The following CCR6 variants were observed in gnomAD, a reference collection of about 807,000 sequenced individuals.
CCR6 encodes the protein C-C motif chemokine receptor 6.
A neutral mutation model predicts 3.0 loss-of-function variants in CCR6; 2 were observed. The ratio of observed to expected loss-of-function variants is 0.66; its 90% CI spans 0.27 to 2.07. The LOEUF is 2.07. CCR6 is among the 30% of genes most tolerant of loss of function. CCR6 has a pLI of 0.14. For missense variants in CCR6, 322 were observed against 462.8 expected (o/e 0.70, Z 2.79); for synonymous variants, 193 against 184.3 (o/e 1.05, Z -0.38).
intron 1 of CCR6, among the ~76,000 whole-genome samples, chr6:167,117,429 T>C (rs1240074370): frequency 6.9e-6 from 1 of 145,098 alleles, no homozygotes. Context: ...TTTTTTTTTT[T>C]TTTTTGAGAC....
intron 1 of CCR6, among the ~76,000 whole-genome samples, chr6:167,123,924 C>T (rs1425927872): frequency 6.6e-6 from 1 of 152,130 alleles, no homozygotes; most frequent in Non-Finnish European, 1.5e-5. Flanking sequence ...CCAGCCTGGC[C>T]AACATGGTAA....
intron 1 of CCR6, among the ~76,000 whole-genome samples, chr6:167,134,574 T>G (rs552708871): frequency 2.8e-4 from 43 of 152,362 alleles, no homozygotes; most frequent in African/African-American, 9.6e-4. Flanking sequence ...GGGTGAACTT[T>G]GTGTTACATG....
rs751339922 is a variant in CCR6 at position 167,137,286 on chromosome 6, C to T, written c.1056C>T (p.Tyr352=). ...CAGGCTTCTCCTGTGCCGGGAGGTA[C>T]TCAGAAAACATTTCTCGGCAGACCA... is the stretch of plus-strand genomic sequence containing the variant. ...KSSGFSCAGR[Y]SENISRQTSE... The change falls in exon 3 of 3, where the codon TAC becomes TAT. Residue 352 remains tyrosine, a synonymous_variant. Coordinates refer to ENST00000341935, the MANE Select transcript of CCR6 (RefSeq NM_031409.4). This position sits in a 1 kb window ranked among gnomAD's most constrained non-coding sequence, Gnocchi z 4.6. 5.6e-6 allele frequency: 9 copies of T among 1,614,062 alleles called. No homozygotes were observed. The South Asian group carries it at 9.9e-5, about 18-fold the overall frequency.
At chr6:167,120,026 C>T (rs1160149763), upstream of CCR6, among the ~76,000 whole-genome samples, 4 of 152,136 alleles carry the variant, frequency 2.6e-5, no homozygotes, top group Non-Finnish European at 2.9e-5. Context: ...TTCATTACTT[C>T]AGAAGTTTTG....
upstream of CCR6, among the ~76,000 whole-genome samples, chr6:167,122,218 G>T (rs1433412447): frequency 6.6e-6 from 1 of 152,196 alleles, no homozygotes; most frequent in Non-Finnish European, 1.5e-5. The surrounding 1 kb of genome is among the most constrained non-coding windows in gnomAD (Gnocchi z 4.2). Flanking sequence ...AGTCCATCAG[G>T]CTGGCTGAGA....
intron 1 of CCR6, among the ~76,000 whole-genome samples, chr6:167,125,326 A>G (rs1379669449): frequency 2.6e-5 from 4 of 152,090 alleles, no homozygotes; most frequent in Non-Finnish European, 5.9e-5. Context: ...CCCATATTGA[A>G]TTTTCTTGGA....
chr6:167,126,174 C>G (rs894824329), intron 1 of CCR6: 3 of 152,064 alleles, frequency 2.0e-5, no homozygotes, highest in Non-Finnish European at 2.9e-5. Flanking sequence ...GCACTATAGC[C>G]TGGGCAACAT....
rs373600808 is a variant in CCR6 at position 167,124,844 on chromosome 6, C to T, written c.-98+1621C>T. ...ATGCGTGCATATATACATACACACACGTCCATATGTACACACACACAGTTA... is the reference window on the plus strand; with the variant it reads ...ATGCGTGCATATATACATACACACATGTCCATATGTACACACACACAGTTA... On this transcript the variant is annotated intron_variant, in intron 1 of 2. Transcript: ENST00000341935. Among the ~76,000 whole-genome samples the T allele has an allele frequency of 9.2e-5, 14 of 151,824 alleles. No homozygotes were observed. In the East Asian group the frequency reaches 1.4e-3, roughly 15 times the overall value.
intron 1 of CCR6, among the ~76,000 whole-genome samples, chr6:167,113,845 G>A (rs1468100417): frequency 6.6e-6 from 1 of 152,220 alleles, no homozygotes; most frequent in Non-Finnish European, 1.5e-5. Flanking sequence ...GGGCATCTAG[G>A]CAAGACATGC....
intron 1 of CCR6, among the ~76,000 whole-genome samples, chr6:167,127,847 A>G (rs1582997595): frequency 6.6e-6 from 1 of 152,188 alleles, no homozygotes; most frequent in East Asian, 1.9e-4. Context: ...TCCACTAGTA[A>G]GTACTATTTG....
chr6:167,121,236 T>C (rs529749234), upstream of CCR6, among the ~76,000 whole-genome samples: 2 of 152,278 alleles, frequency 1.3e-5, no homozygotes, highest in Non-Finnish European at 2.9e-5. Flanking sequence ...TTGGGCCTCC[T>C]GGGTCCCTCA....
intron 1 of CCR6, among the ~76,000 whole-genome samples, chr6:167,130,606 T>C (rs1375826664): frequency 2.0e-5 from 3 of 151,838 alleles, no homozygotes; most frequent in African/African-American, 4.9e-5. Flanking sequence ...TCATTTTCAA[T>C]GACTGTGGCT....
chr6:167,127,298 G>C (rs569720372), intron 1 of CCR6: 1 of 152,256 alleles, frequency 6.6e-6, no homozygotes, highest in Admixed American at 6.5e-5. Context: ...AAAAGGTTCT[G>C]TGAGTGAGAA....
chr6:167,135,487 CT>C (rs1225451063), intron 1 of CCR6, among the ~76,000 whole-genome samples: 1 of 152,246 alleles, frequency 6.6e-6, no homozygotes, highest in African/African-American at 2.4e-5. Flanking sequence ...CATAGTCAAA[CT>C]TTAAATTCTA....
At chr6:167,125,814 C>G (rs923446812) in intron 1 of CCR6, among the ~76,000 whole-genome samples, 25 of 151,984 alleles carry the variant, frequency 1.6e-4, no homozygotes, top group Admixed American at 3.3e-4. Flanking sequence ...AAAAGTTGTA[C>G]TAGGAAGCCA....
chr6:167,125,419 G>C (rs559414754), intron 1 of CCR6, among the ~76,000 whole-genome samples: 6 of 152,302 alleles, frequency 3.9e-5, no homozygotes, highest in Admixed American at 3.9e-4. Flanking sequence ...TTCTTGGGGA[G>C]CCCCCCACCC....
upstream of CCR6, among the ~76,000 whole-genome samples, chr6:167,122,445 C>T (rs562369112): frequency 2.0e-5 from 3 of 152,342 alleles, no homozygotes; most frequent in South Asian, 6.2e-4. The surrounding 1 kb of genome is among the most constrained non-coding windows in gnomAD (Gnocchi z 4.2). Flanking sequence ...GAGATTCTGT[C>T]TCTGTGCCAC....
chr6:167,121,122 A>T (rs1278945468), upstream of CCR6: 1 of 152,170 alleles, frequency 6.6e-6, no homozygotes, highest in African/African-American at 2.4e-5. Flanking sequence ...TGCAGGGAGG[A>T]GGCCACTCTT....
In CCR6 at chr6:167,137,522, G is replaced by A. The variant is rs1004833485; in HGVS notation, c.*167G>A. On this transcript the variant is annotated 3_prime_UTR_variant, in exon 3 of 3. Transcript: ENST00000341935. The surrounding 1 kb of genome is among the most constrained non-coding windows in gnomAD (Gnocchi z 4.6). ...TCATGGGCTGTGTGATCTCTTCAGG[G>A]TGGGGTGGTCTCTGATAGGTAGCAT... is the stretch of plus-strand genomic sequence containing the variant. 16 of 643,472 alleles carry A rather than the reference G, an allele frequency of 2.5e-5. No homozygotes were observed. Among genetic ancestry groups the A allele is most frequent in the Non-Finnish European group, 3.7e-5 (14 of 382,568 alleles). The allele number at this position is 643,472 out of a possible 1,614,324, so 39.9% of individuals were successfully genotyped here. A position where few individuals can be genotyped will look rare whatever the true frequency, so the allele number is the denominator to read the frequency against.
Sources: allele counts gnomAD v4.1 joint callset (sites outside exome capture counted in the v4.1 genomes callset), GRCh38; gene constraint gnomAD v4.1.1; non-coding constraint Gnocchi (gnomAD v3.1); transcripts MANE v1.5; gene names NCBI Gene and HGNC (gene_info 2026-07-23, HGNC 2026-07-21).